YAP1: variants seen among roughly 807,000 people sequenced by gnomAD.
The protein encoded by YAP1 is transcriptional coactivator YAP1.
A neutral mutation model predicts 56.9 loss-of-function variants in YAP1; 5 were observed. That is an observed-to-expected ratio of 0.09 (90% CI 0.05 to 0.18). The LOEUF (loss-of-function observed/expected upper bound fraction) is 0.18, where lower values mean the gene tolerates loss of function less well. Ranked by LOEUF, YAP1 falls within the 10% of genes least tolerant of loss-of-function variation. YAP1 has a pLI of 1.00. For missense variants in YAP1, 539 were observed against 651.8 expected (o/e 0.83, Z 1.88); for synonymous variants, 265 against 248.1 (o/e 1.07, Z -0.64).
At chr11:102,164,034 A>AT (rs570625635) in intron 3 of YAP1, among the ~76,000 whole-genome samples, 8,844 of 142,904 alleles carry the variant, frequency 0.062, 323 homozygotes, top group Non-Finnish European at 0.092. Context: ...TTAAGTAAAA[A>AT]TTTTTTTTTT....
chr11:102,133,174 C>T (rs56074129), intron 2 of YAP1, among the ~76,000 whole-genome samples: 12,183 of 50,346 alleles, frequency 0.24, 782 homozygotes, highest in South Asian at 0.34. Context: ...AATAAATAAA[C>T]AAACAAACAA....
intron 8 of YAP1, among the ~76,000 whole-genome samples, chr11:102,229,473 A>G (rs1452608627): frequency 1.3e-5 from 2 of 152,170 alleles, no homozygotes; most frequent in African/African-American, 4.8e-5. Context: ...CTCAGCACAT[A>G]ATAGCAATCA....
In YAP1 at chr11:102,124,208, C is replaced by T. The variant is rs537946113; in HGVS notation, c.572+9814C>T. On this transcript the variant is annotated intron_variant, in intron 2 of 8. Transcript: ENST00000282441. ...CCTCAAGTGATCTGCCTGCCTCAGCCTCCCAAAGTGCTGGGATTACAGGCA... is the reference window on the plus strand; with the variant it reads ...CCTCAAGTGATCTGCCTGCCTCAGCTTCCCAAAGTGCTGGGATTACAGGCA... 7.9e-5 allele frequency among the ~76,000 whole-genome samples: 12 copies of T among 152,272 alleles called. No individual in the cohort carries two copies. The East Asian group carries it at 2.3e-3, about 29-fold the overall frequency.
At chr11:102,222,155 C>T (rs537856603) in intron 6 of YAP1, among the ~76,000 whole-genome samples, 21 of 152,146 alleles carry the variant, frequency 1.4e-4, no homozygotes, top group African/African-American at 4.1e-4. Flanking sequence ...GACCCCATGG[C>T]GATTGTGGAG....
rs1947313349 is a variant in YAP1, at chr11:102,177,217, A to G, written c.689-8801A>G. 2.0e-5 allele frequency among the ~76,000 whole-genome samples: 3 copies of G among 152,224 alleles called. No homozygotes were observed. In the South Asian group the frequency reaches 6.2e-4, roughly 32 times the overall value. On this transcript the variant is annotated intron_variant, in intron 3 of 8. Coordinates refer to ENST00000282441, the MANE Select transcript of YAP1 (RefSeq NM_001130145.3). ...GAATAGATAGAGCCTGGCATGTTGG[A>G]TGCTTTCAGTACCGAAGCAGTGCTA...
chr11:102,193,952 G>A (rs1257302763), intron 4 of YAP1, among the ~76,000 whole-genome samples: 2 of 151,668 alleles, frequency 1.3e-5, no homozygotes, highest in South Asian at 2.1e-4. Flanking sequence ...GACTACAGGT[G>A]CCTGCCACCG....
chr11:102,158,412 C>G (rs182107289), intron 2 of YAP1, among the ~76,000 whole-genome samples: 119 of 152,276 alleles, frequency 7.8e-4, no homozygotes, highest in Middle Eastern at 3.4e-3. Flanking sequence ...GTGATCAAAT[C>G]TCAAAGTAGT....
intron 6 of YAP1, among the ~76,000 whole-genome samples, chr11:102,215,850 C>A (rs1210621164): frequency 1.3e-5 from 2 of 152,054 alleles, no homozygotes; most frequent in Non-Finnish European, 2.9e-5. Context: ...AATAGTGTTG[C>A]TATTTAAGGG....
In YAP1 at chr11:102,140,222, C is replaced by G. The variant is rs905017785; in HGVS notation, c.573-22234C>G. ...AAAAAATCTGTATTTTTCCATTGTT[C>G]TGGAAAAAATTCAATTTCAAGGAAA... On this transcript the variant is annotated intron_variant, in intron 2 of 8. Coordinates refer to ENST00000282441, the MANE Select transcript of YAP1 (RefSeq NM_001130145.3). Among the ~76,000 whole-genome samples, 12 of 150,694 alleles carry G rather than the reference C, an allele frequency of 8.0e-5. No individual in the cohort carries two copies. The East Asian group carries it at 2.3e-3, about 29-fold the overall frequency.
intron 3 of YAP1, among the ~76,000 whole-genome samples, chr11:102,177,044 G>A (rs1214726318): frequency 6.6e-6 from 1 of 152,130 alleles, no homozygotes; most frequent in East Asian, 1.9e-4. Flanking sequence ...AGTGGGAAGG[G>A]ATGAGAGGGA....
Position 102,227,570 on chromosome 11 carries a change from A to C in YAP1, c.1265A>C (p.Glu422Ala). 1 of 1,611,312 alleles carries C rather than the reference A, an allele frequency of 6.2e-7. No homozygotes were observed. The highest frequency in any genetic ancestry group is 1.1e-5 in the South Asian group (1 of 90,766). ...GATGACTTCCTGAACAGTGTGGATG[A>C]GATGGATACAGGTTGGTATTCTTTA... ...TPDDFLNSVD[E>A]MDTGDTINQS... is the part of the protein sequence containing the mutation. The change falls in exon 8 of 9, where the codon GAG (glutamate) becomes GCG (alanine). Residue 422 changes from glutamate to alanine, a missense_variant. By Grantham distance (107) the Glu-to-Ala change is moderately radical. This residue lies in a region of YAP1 where 414 missense variants were observed against 512.4 expected (regional missense o/e 0.81). Coordinates refer to ENST00000282441, the MANE Select transcript of YAP1 (RefSeq NM_001130145.3).
Position 102,150,170 on chromosome 11 carries a change from G to C in YAP1, c.573-12286G>C, listed in dbSNP as rs376835624. On this transcript the variant is annotated intron_variant, in intron 2 of 8. Coordinates refer to ENST00000282441, the MANE Select transcript of YAP1 (RefSeq NM_001130145.3). ...TGGCTAATTTTGTATTTTTACTAGA[G>C]ACGAGGTTTCACCATGTTGGCCAGG... is the stretch of plus-strand genomic sequence containing the variant. 1.6e-4 allele frequency among the ~76,000 whole-genome samples: 24 copies of C among 151,860 alleles called. No homozygotes were observed. In the East Asian group the frequency reaches 2.3e-3, roughly 15 times the overall value.
intron 1 of YAP1, among the ~76,000 whole-genome samples, chr11:102,112,999 T>G (rs1050949578): frequency 1.3e-5 from 2 of 151,694 alleles, no homozygotes; most frequent in African/African-American, 4.9e-5. Flanking sequence ...TTGTTTGTTT[T>G]AAATAAGTTT....
chr11:102,218,655 G>A (rs1449768389), intron 6 of YAP1, among the ~76,000 whole-genome samples: 1 of 152,018 alleles, frequency 6.6e-6, no homozygotes, highest in Non-Finnish European at 1.5e-5. Flanking sequence ...TGAATCCTTA[G>A]GTTAGTTACT....
chr11:102,148,927 C>T, intron 2 of YAP1, among the ~76,000 whole-genome samples: 1 of 152,058 alleles, frequency 6.6e-6, no homozygotes, highest in East Asian at 1.9e-4. Context: ...CCAAACAGTT[C>T]TCTAGTACAG....
chr11:102,218,446 T>G (rs1053145767), intron 6 of YAP1, among the ~76,000 whole-genome samples: 5 of 152,218 alleles, frequency 3.3e-5, no homozygotes, highest in Non-Finnish European at 7.3e-5. Flanking sequence ...AGAAAAATAG[T>G]CTATATATGT....
At chr11:102,178,861 T>G (rs1422404222) in intron 3 of YAP1, among the ~76,000 whole-genome samples, 1 of 152,156 alleles carries the variant, frequency 6.6e-6, no homozygotes, top group Non-Finnish European at 1.5e-5. Context: ...AGCGTCTGCT[T>G]CTGGTGAGGA....
intron 2 of YAP1, among the ~76,000 whole-genome samples, chr11:102,115,487 A>T (rs1943222448): frequency 6.6e-6 from 1 of 152,092 alleles, no homozygotes. Context: ...GTAATGTAAG[A>T]TAGAAAGTTT....
chr11:102,163,491 A>G (rs1946417968), intron 3 of YAP1, among the ~76,000 whole-genome samples: 1 of 152,072 alleles, frequency 6.6e-6, no homozygotes, highest in Non-Finnish European at 1.5e-5. Flanking sequence ...GGCATCAGAG[A>G]TTGGAGCATT....
Sources: gnomAD v4.1 joint callset for allele counts (sites outside exome capture counted in the v4.1 genomes callset) on GRCh38, gnomAD v4.1.1 for gene constraint, gnomAD v4.1.1 regional missense constraint, MANE v1.5 for transcripts, NCBI Gene and HGNC (gene_info 2026-07-23, HGNC 2026-07-21) for gene names.